SH2D3A: variants seen among roughly 807,000 people sequenced by gnomAD.
The protein encoded by SH2D3A is SH2 domain containing 3A.
Under a neutral mutation model 50.6 loss-of-function variants are expected in SH2D3A, and 46 were observed. The ratio of observed to expected loss-of-function variants is 0.91; its 90% CI spans 0.72 to 1.16. SH2D3A has a LOEUF of 1.16. SH2D3A is among the 50% of genes most tolerant of loss of function. SH2D3A has a pLI of 0.00. For missense variants in SH2D3A, 783 were observed against 786.2 expected, an observed-to-expected ratio of 1.00 and a Z score of 0.05; for synonymous variants, 377 against 348.4, an observed-to-expected ratio of 1.08 and a Z score of -0.91.
chr19:6,755,171 G>C lies in SH2D3A; in HGVS notation c.641C>G (p.Pro214Arg), dbSNP rs771873595. 21 of 1,602,314 alleles carry C rather than the reference G, an allele frequency of 1.3e-5. No individual in the cohort carries two copies. The Admixed American group carries it at 3.2e-4, about 25-fold the overall frequency. The change falls in exon 5 of 10, where the codon CCC (proline) becomes CGC (arginine). Residue 214 changes from proline to arginine, a missense_variant. Pro to Arg is a moderately radical substitution (Grantham distance 103). Transcript: ENST00000245908. ...AGGCAGTTCGAAGGAGGGTGTCCGG[G>C]GGGGCTTCGTTGGTGCCTTGGCTTG... is the stretch of plus-strand genomic sequence containing the variant. ...QLQAKAPTKP[P>R]RTPSFELPDA...
chr19:6,765,860 G>A (rs538758358), intron 1 of SH2D3A, among the ~76,000 whole-genome samples: 1 of 152,068 alleles, frequency 6.6e-6, no homozygotes, highest in East Asian at 1.9e-4. Context: ...CTTCTATTTC[G>A]GAGCCCATAC....
At chr19:6,763,614 GA>G in intron 2 of SH2D3A, 65 bp downstream of exon 2, 3 of 1,491,000 alleles carry the variant, frequency 2.0e-6, no homozygotes, top group Non-Finnish European at 2.8e-6. Flanking sequence ...AGGGACCCAG[GA>G]ATCCTCAGCA....
Position 6,760,697 on chromosome 19 carries a change from C to G in SH2D3A, c.360G>C (p.Leu120=). The part of the protein sequence containing the change: ...VSRPVTWQGP[L]RRSFSEDTLM... ...GGGTGTCCTCGCTAAAGCTGCGTCG[C>G]AGAGGCCCCTGCCAAGTCACAGGCC... is the stretch of plus-strand genomic sequence containing the variant. The change falls in exon 3 of 10, where the codon CTG becomes CTC. Residue 120 remains leucine, a synonymous_variant. Coordinates refer to ENST00000245908, the MANE Select transcript of SH2D3A (RefSeq NM_005490.3). 6.2e-7 allele frequency: 1 copy of G among 1,612,874 alleles called. No homozygotes were observed. The highest frequency in any genetic ancestry group is 8.5e-7 in the Non-Finnish European group (1 of 1,179,116).
chr19:6,765,517 G>A (rs1014748713), intron 1 of SH2D3A, among the ~76,000 whole-genome samples: 3 of 152,036 alleles, frequency 2.0e-5, no homozygotes, highest in African/African-American at 7.2e-5. Flanking sequence ...GGAGGCAGAG[G>A]TGGGTGGATC....
chr19:6,753,327 C>G, intron 9 of SH2D3A, 129 bp downstream of exon 9: 1 of 1,397,704 alleles, frequency 7.2e-7, no homozygotes, highest in Non-Finnish European at 9.3e-7. Flanking sequence ...TGGAGCCGTC[C>G]CAGTTTGGGT....
At chr19:6,766,063 T>A (rs1423818465) in intron 1 of SH2D3A, among the ~76,000 whole-genome samples, 5 of 152,076 alleles carry the variant, frequency 3.3e-5, no homozygotes, top group African/African-American at 1.2e-4. Context: ...TCTGGTGGGG[T>A]CTGCAGAGAA....
chr19:6,754,742 G>C lies in SH2D3A; in HGVS notation c.982-11C>G. 6.2e-7 allele frequency: 1 copy of C among 1,613,904 alleles called. No homozygotes were observed. On this transcript the variant is annotated splice_polypyrimidine_tract_variant and intron_variant, in intron 5 of 9. Coordinates refer to ENST00000245908, the MANE Select transcript of SH2D3A (RefSeq NM_005490.3). ...CAGGAGGCCTGTGGCCTGCAGAAGG[G>C]AATGGGGAAGTCAGGTGAAGCGTGA...
At chr19:6,758,289 T>TTTTG (rs914311285) in intron 4 of SH2D3A, 1 of 153,830 alleles carries the variant, frequency 6.5e-6, no homozygotes, top group African/African-American at 2.4e-5. Context: ...CCTTACTGTT[T>TTTTG]TTTGTTTGTT....
At chr19:6,762,960 G>A (rs1278806863) in intron 2 of SH2D3A, among the ~76,000 whole-genome samples, 2 of 152,138 alleles carry the variant, frequency 1.3e-5, no homozygotes, top group South Asian at 2.1e-4. Context: ...TAACTATTAA[G>A]TTCTACTGCC....
rs1289486772 is a variant in SH2D3A, at chr19:6,752,593, T to C, written c.1731A>G (p.Ter577TrpextTer54). 23 of 1,545,192 alleles carry C rather than the reference T, an allele frequency of 1.5e-5. No homozygotes were observed. The highest frequency in any genetic ancestry group is 1.8e-5 in the Non-Finnish European group (21 of 1,142,008). The stretch of plus-strand genomic sequence containing the variant: ...GGTGTGAAGAAGGGTGTCTGCGCTC[T>C]CAGCGGTCAGGCTCCAGGCGCTGCG... ...VLSQRLEPDR[*>W] is the part of the protein sequence containing the mutation. The change falls in exon 10 of 10, where the codon TGA (stop) becomes TGG (tryptophan). Residue 577 changes from the stop codon to tryptophan (W), a stop_lost. Coordinates refer to ENST00000245908, the MANE Select transcript of SH2D3A (RefSeq NM_005490.3).
chr19:6,766,678 G>A (rs1012408575), intron 1 of SH2D3A, among the ~76,000 whole-genome samples: 1 of 152,152 alleles, frequency 6.6e-6, no homozygotes, highest in Non-Finnish European at 1.5e-5. Flanking sequence ...ATTAAAGCTC[G>A]GCACCACCCT....
Position 6,754,426 on chromosome 19 carries a change from C to T in SH2D3A, c.1098-1G>A, listed in dbSNP as rs1349531633. 2 of 1,528,596 alleles carry T rather than the reference C, an allele frequency of 1.3e-6. No individual in the cohort carries two copies. The highest frequency in any genetic ancestry group is 1.3e-5 in the South Asian group (1 of 78,910). 94.7% of individuals were successfully genotyped at this position (1,528,596 alleles called of 1,614,324 possible). A position where few individuals can be genotyped will look rare whatever the true frequency, so the allele number is the denominator to read the frequency against. On this transcript the variant is annotated splice_acceptor_variant, in intron 6 of 9. Coordinates refer to ENST00000245908, the MANE Select transcript of SH2D3A (RefSeq NM_005490.3). LOFTEE classifies it high-confidence loss of function. Reference sequence around the variant, plus strand: ...CCCGGCCAGCGCCAGTGTCTGATGCCTGCAGAGGTGGAGGGCAAGGGTCTG... The same window carrying T: ...CCCGGCCAGCGCCAGTGTCTGATGCTTGCAGAGGTGGAGGGCAAGGGTCTG...
At chr19:6,753,300 T>TG in intron 9 of SH2D3A, 156 bp downstream of exon 9, 1 of 985,166 alleles carries the variant, frequency 1.0e-6, no homozygotes, top group Non-Finnish European at 1.2e-6. Flanking sequence ...TTGCTTGGGG[T>TG]GAGAACCTTC....
intron 8 of SH2D3A, among the ~76,000 whole-genome samples, 198 bp downstream of exon 8, chr19:6,753,854 G>A (rs1181953729): frequency 1.3e-5 from 2 of 151,976 alleles, no homozygotes; most frequent in Non-Finnish European, 2.9e-5. Context: ...GCTGGTGGGG[G>A]CGTGGCCTAG....
intron 1 of SH2D3A, among the ~76,000 whole-genome samples, chr19:6,765,734 C>G (rs1054698919): frequency 1.6e-5 from 2 of 123,552 alleles, no homozygotes; most frequent in Non-Finnish European, 3.2e-5. Context: ...GGTGACAGAG[C>G]AAGACTCCGT....
rs947759352 is a variant in SH2D3A at position 6,755,162 on chromosome 19, G to C, written c.650C>G (p.Pro217Arg). 4.4e-6 allele frequency: 7 copies of C among 1,605,520 alleles called. No individual in the cohort carries two copies. Among genetic ancestry groups the C allele is most frequent in the Non-Finnish European group, 6.0e-6 (7 of 1,174,364 alleles). The change falls in exon 5 of 10, where the codon CCC becomes CGC. Residue 217 changes from proline (P) to arginine (R), a missense_variant. Pro to Arg is a moderately radical substitution (Grantham distance 103). Transcript: ENST00000245908. ...AGAGGCATCAGGCAGTTCGAAGGAG[G>C]GTGTCCGGGGGGGCTTCGTTGGTGC... ...AKAPTKPPRT[P>R]SFELPDASER...
intron 4 of SH2D3A, among the ~76,000 whole-genome samples, chr19:6,756,875 C>T (rs1168104710): frequency 6.6e-5 from 10 of 152,018 alleles, no homozygotes. Context: ...TTCCTTCCTT[C>T]CTTTCTTTTC....
intron 8 of SH2D3A, 147 bp from the exon 9 acceptor site, chr19:6,753,788 G>A (rs1163088628): frequency 2.0e-6 from 2 of 976,140 alleles, no homozygotes; most frequent in African/African-American, 1.7e-5. Flanking sequence ...CGCCCCGTAT[G>A]GAGGGCGGGG....
At position 6,755,032 on chromosome 19, in the gene SH2D3A, G is replaced by C; in HGVS notation, c.780C>G (p.Ala260=). The change falls in exon 5 of 10, where the codon GCC becomes GCG. Residue 260 remains alanine, a synonymous_variant. Transcript: ENST00000245908. ...CPEPEAPWWE[A]EEDEEEENRC... ...TATTCTCTTCCTCCTCATCCTCCTC[G>C]GCCTCCCACCATGGGGCCTCTGGCT... is the stretch of plus-strand genomic sequence containing the variant. 1.2e-6 allele frequency: 2 copies of C among 1,613,940 alleles called. No homozygotes were observed. The highest frequency in any genetic ancestry group is 1.3e-5 in the African/African-American group (1 of 74,990).
Sources: gnomAD v4.1 joint callset for allele counts (sites outside exome capture counted in the v4.1 genomes callset) on GRCh38, gnomAD v4.1.1 for gene constraint, MANE v1.5 for transcripts, NCBI Gene and HGNC (gene_info 2026-07-23, HGNC 2026-07-21) for gene names.